Variants in HPS1 observed in about 807,000 individuals in gnomAD.
The protein encoded by HPS1 is BLOC-3 complex member HPS1.
Under a neutral mutation model 90.6 loss-of-function variants are expected in HPS1, and 59 were observed. The ratio of observed to expected loss-of-function variants is 0.65; its 90% CI spans 0.53 to 0.81. The LOEUF (loss-of-function observed/expected upper bound fraction) is 0.81, where lower values mean the gene tolerates loss of function less well. Among genes scored for constraint, HPS1 ranks in the 30% least tolerant of loss-of-function variants. The pLI is 0.00. For missense variants in HPS1, 849 were observed against 896.7 expected, an observed-to-expected ratio of 0.95 and a Z score of 0.68; for synonymous variants, 388 against 384.4, an observed-to-expected ratio of 1.01 and a Z score of -0.11.
In HPS1 at chr10:98,431,178, C is replaced by T. The variant is rs756541586; in HGVS notation, c.621G>A (p.Leu207=). The part of the protein sequence containing the change: ...TSPERGGEEA[L]HAFLLVHSKL... The stretch of plus-strand genomic sequence containing the variant: ...TGGAGTGCACGAGCAGGAAGGCATG[C>T]AGGGCCTCCTCGCCTCCCCGCTCGG... The change falls in exon 7 of 20, where the codon CTG becomes CTA. Residue 207 remains leucine, a synonymous_variant. Transcript: ENST00000361490. 6.2e-7 allele frequency: 1 copy of T among 1,614,166 alleles called. No individual in the cohort carries two copies. The highest frequency in any genetic ancestry group is 1.1e-5 in the South Asian group (1 of 91,078).
In HPS1 at chr10:98,426,000, G is replaced by T; in HGVS notation, c.988-15C>A. 1 of 1,613,086 alleles carries T rather than the reference G, an allele frequency of 6.2e-7. No homozygotes were observed. The highest frequency in any genetic ancestry group is 1.1e-5 in the South Asian group (1 of 91,046). On this transcript the variant is annotated splice_polypyrimidine_tract_variant and intron_variant, in intron 11 of 19. Transcript: ENST00000361490. ...TCCTCTGCTATCTACAGAGGAAGAA[G>T]AGCTGCAGTGAGAGGTGGGATCCCT...
chr10:98,423,778 G>T lies in HPS1; in HGVS notation c.1507C>A (p.Gln503Lys). Reference sequence around the variant, plus strand: ...CGCATGAGCCTCTGCACTTGGTCCTGCAGGTGCTGGGGCAGGTGTGGGCCT... The same window carrying T: ...CGCATGAGCCTCTGCACTTGGTCCTTCAGGTGCTGGGGCAGGTGTGGGCCT... ...RGGPHLPQHLQDQVQRLMREK... is the reference protein window; with the variant it reads ...RGGPHLPQHLKDQVQRLMREK... The change falls in exon 15 of 20, where the codon CAG becomes AAG. Residue 503 changes from glutamine to lysine, a missense_variant. Coordinates refer to ENST00000361490, the MANE Select transcript of HPS1 (RefSeq NM_000195.5). The T allele has an allele frequency of 6.2e-7, 1 of 1,614,124 alleles. No homozygotes were observed. The highest frequency in any genetic ancestry group is 1.3e-5 in the African/African-American group (1 of 75,068).
chr10:98,422,324 A>G, intron 17 of HPS1, 45 bp downstream of exon 17: 1 of 1,606,426 alleles, frequency 6.2e-7, no homozygotes, highest in Non-Finnish European at 8.5e-7. Context: ...GCTACCCAAT[A>G]TTGGCTGAGG....
Position 98,430,595 on chromosome 10 carries a change from C to T in HPS1, c.744G>A (p.Glu248=). The change falls in exon 8 of 20, where the codon GAG becomes GAA. Residue 248 remains glutamate, a synonymous_variant. Transcript: ENST00000361490. ...ILLVQDLYPS[E]STAEDDIQPS... is the part of the protein sequence containing the mutation. ...CCTGAATGTCGTCCTCTGCTGTGCT[C>T]TCGCTGGGGTAGAGGTCCTGAACCA... is the stretch of plus-strand genomic sequence containing the variant. 6.4e-7 allele frequency: 1 copy of T among 1,554,732 alleles called. No homozygotes were observed. The highest frequency in any genetic ancestry group is 1.7e-4 in the Middle Eastern group (1 of 5,994).
chr10:98,423,790 G>A lies in HPS1; in HGVS notation c.1495C>T (p.Pro499Ser), dbSNP rs768395318. The A allele has an allele frequency of 1.2e-6, 2 of 1,613,996 alleles. No homozygotes were observed. The highest frequency in any genetic ancestry group is 8.5e-7 in the Non-Finnish European group (1 of 1,180,026). Residue 499 changes from proline to serine, a missense_variant, in exon 15 of 20, where the codon CCC becomes TCC. Pro to Ser is a moderately conservative substitution (Grantham distance 74). Coordinates refer to ENST00000361490, the MANE Select transcript of HPS1 (RefSeq NM_000195.5). Reference protein sequence around the residue: ...TAPSRGGPHLPQHLQDQVQRL... With the variant: ...TAPSRGGPHLSQHLQDQVQRL... ...TGCACTTGGTCCTGCAGGTGCTGGG[G>A]CAGGTGTGGGCCTCCCCTGCTGGGG...
chr10:98,426,067 G>A lies in HPS1; in HGVS notation c.988-82C>T. 6 of 1,243,130 alleles carry A rather than the reference G, an allele frequency of 4.8e-6. No individual in the cohort carries two copies. In the Admixed American group the frequency reaches 1.1e-4, roughly 22 times the overall value. The allele number at this position is 1,243,130 out of a possible 1,614,324, so 77.0% of individuals were successfully genotyped here. ...TTGCGGCCCTATCTGTGAACCACAAGAAATAATCATTTTTAGCTCCAAGAA... is the reference window on the plus strand; with the variant it reads ...TTGCGGCCCTATCTGTGAACCACAAAAAATAATCATTTTTAGCTCCAAGAA... On this transcript the variant is annotated intron_variant, in intron 11 of 19. Transcript: ENST00000361490.
intron 17 of HPS1, among the ~76,000 whole-genome samples, chr10:98,420,682 C>T (rs141338958): frequency 9.9e-5 from 15 of 152,134 alleles, no homozygotes; most frequent in African/African-American, 3.6e-4. Context: ...TGCCGCTGCA[C>T]TCTAGCCTGG....
At position 98,431,114 on chromosome 10, in the gene HPS1, C is replaced by T; in HGVS notation, c.668+17G>A. 1 of 1,613,778 alleles carries T rather than the reference C, an allele frequency of 6.2e-7. No homozygotes were observed. Among genetic ancestry groups the T allele is most frequent in the Admixed American group, 1.7e-5 (1 of 59,992 alleles). The stretch of plus-strand genomic sequence containing the variant: ...CCAGGGAGCCTTTAGCCACCACATG[C>T]CAGACCTTGAGCTCACCTAGAGTAG... On this transcript the variant is annotated intron_variant, in intron 7 of 19. Transcript: ENST00000361490.
chr10:98,434,932 A>G (rs1244442679), intron 5 of HPS1, among the ~76,000 whole-genome samples: 1 of 152,168 alleles, frequency 6.6e-6, no homozygotes, highest in Non-Finnish European at 1.5e-5. Flanking sequence ...AGAGAGGACT[A>G]GCTCAGACCA....
At chr10:98,414,161 C>G (rs1843886076), downstream of HPS1, 1 of 152,044 alleles carries the variant, frequency 6.6e-6, no homozygotes, top group African/African-American at 2.4e-5. Context: ...TGTTGAGTAT[C>G]TACCAGCTCG....
At chr10:98,422,323 T>C (rs1844984232) in intron 17 of HPS1, 46 bp downstream of exon 17, 1 of 1,606,062 alleles carries the variant, frequency 6.2e-7, no homozygotes, top group Non-Finnish European at 8.5e-7. Flanking sequence ...GGCTACCCAA[T>C]ATTGGCTGAG....
chr10:98,429,690 CA>C lies in HPS1; in HGVS notation c.868-49del, dbSNP rs759537696. On this transcript the variant is annotated intron_variant, in intron 9 of 19. Transcript: ENST00000361490. ...GGTTGAGAGGCTCTCCCAGCTGGCT[CA>C]ACCCTGTCCCTGCTCTCCCAGGAGG... 4.3e-6 allele frequency: 7 copies of C among 1,614,084 alleles called. No individual in the cohort carries two copies. The South Asian group carries it at 6.6e-5, about 15-fold the overall frequency.
chr10:98,435,245 C>CA lies in HPS1; in HGVS notation c.398+26dup, dbSNP rs748209939. On this transcript the variant is annotated intron_variant, in intron 5 of 19. Transcript: ENST00000361490. The surrounding 1 kb of genome is among the most constrained non-coding windows in gnomAD (Gnocchi z 4.3). ...CCCAGCGAGGGTGCTCGGCAAAGGACAGAGGGGACCAGCTTTGAAGACTCA... is the reference window on the plus strand; with the variant it reads ...CCCAGCGAGGGTGCTCGGCAAAGGACAAGAGGGGACCAGCTTTGAAGACTCA... 1 of 1,613,780 alleles carries CA rather than the reference C, an allele frequency of 6.2e-7. No individual in the cohort carries two copies. Among genetic ancestry groups the CA allele is most frequent in the Non-Finnish European group, 8.5e-7 (1 of 1,180,018 alleles).
chr10:98,419,241 G>A (rs1461390311), intron 18 of HPS1, among the ~76,000 whole-genome samples: 3 of 152,198 alleles, frequency 2.0e-5, no homozygotes, highest in Non-Finnish European at 2.9e-5. Flanking sequence ...GGAAGGCACA[G>A]GAGTGCAGGG....
In HPS1 at chr10:98,433,856, C is replaced by A; in HGVS notation, c.507+127G>T. 3 of 1,371,326 alleles carry A rather than the reference C, an allele frequency of 2.2e-6. No homozygotes were observed. The South Asian group carries it at 3.8e-5, about 17-fold the overall frequency. The allele number at this position is 1,371,326 out of a possible 1,614,324, so 84.9% of individuals were successfully genotyped here. On this transcript the variant is annotated intron_variant, in intron 6 of 19. Transcript: ENST00000361490. ...ATATGGCCAGAAAGAACAACTCTCTCTGAATACACGAGTTTCAGGGGCTGC... is the reference window on the plus strand; with the variant it reads ...ATATGGCCAGAAAGAACAACTCTCTATGAATACACGAGTTTCAGGGGCTGC...
Position 98,434,052 on chromosome 10 carries a change from CCACAGCTGGA to C in HPS1, c.428_437del (p.Val143GlyfsTer29). The C allele has an allele frequency of 6.4e-7, 1 of 1,553,450 alleles. No individual in the cohort carries two copies. The highest frequency in any genetic ancestry group is 8.7e-7 in the Non-Finnish European group (1 of 1,148,390). On this transcript the variant is annotated frameshift_variant, in exon 6 of 20. Transcript: ENST00000361490. LOFTEE classifies it high-confidence loss of function. ...TCCACAGCAGGCTCTGGAAGTGCTC[CCACAGCTGGA>C]CACGCTGCGCCAGGTCTGGGGGCCG... is the stretch of plus-strand genomic sequence containing the variant.
In HPS1 at chr10:98,427,234, G is replaced by C. The variant is rs886046592; in HGVS notation, c.968C>G (p.Pro323Arg). Reference protein sequence around the residue: ...GSTIWLEGGTPPMDALQIAED... With the variant: ...GSTIWLEGGTRPMDALQIAED... ...ACTCACCTGAAGGGCATCCATGGGGGGGGTGCCCCCCTCCAGCCAGATGGT... is the reference window on the plus strand; with the variant it reads ...ACTCACCTGAAGGGCATCCATGGGGCGGGTGCCCCCCTCCAGCCAGATGGT... The change falls in exon 11 of 20, where the codon CCC (proline) becomes CGC (arginine). Residue 323 changes from proline to arginine, a missense_variant. By Grantham distance (103) the Pro-to-Arg change is moderately radical. Transcript: ENST00000361490. 14 of 1,551,492 alleles carry C rather than the reference G, an allele frequency of 9.0e-6. No homozygotes were observed. Among genetic ancestry groups the C allele is most frequent in the Non-Finnish European group, 1.2e-5 (14 of 1,146,856 alleles).
intron 2 of HPS1, among the ~76,000 whole-genome samples, chr10:98,444,067 C>A (rs995309421): frequency 3.3e-5 from 5 of 150,990 alleles, no homozygotes; most frequent in Non-Finnish European, 5.9e-5. Context: ...AACAAACAAA[C>A]AAAAAACAGC....
intron 6 of HPS1, among the ~76,000 whole-genome samples, chr10:98,433,495 A>C (rs1846822249): frequency 6.6e-6 from 1 of 152,176 alleles, no homozygotes; most frequent in African/African-American, 2.4e-5. Context: ...TTATAAAAGG[A>C]CCAGTAGCCA....
Sources: allele counts gnomAD v4.1 joint callset (sites outside exome capture counted in the v4.1 genomes callset), GRCh38; gene constraint gnomAD v4.1.1; non-coding constraint Gnocchi (gnomAD v3.1); transcripts MANE v1.5; gene names NCBI Gene and HGNC (gene_info 2026-07-23, HGNC 2026-07-21).